The following NUP98 variants were observed in gnomAD, a reference collection of about 807,000 sequenced individuals.
The protein encoded by NUP98 is nuclear pore complex protein Nup98-Nup96.
NUP98 carries 26 observed loss-of-function variants against 191.9 expected under a neutral mutation model. The ratio of observed to expected loss-of-function variants is 0.14; its 90% confidence interval spans 0.10 to 0.19. The LOEUF is 0.19. Among genes scored for constraint, NUP98 ranks in the 10% least tolerant of loss-of-function variants. The pLI is 1.00. For missense variants in NUP98, 1,941 were observed against 2,178.8 expected (o/e 0.89, Z 2.17); for synonymous variants, 808 against 778.4 (o/e 1.04, Z -0.63).
chr11:3,709,869 T>C (rs1206628481), intron 20 of NUP98, among the ~76,000 whole-genome samples: 2 of 145,228 alleles, frequency 1.4e-5, no homozygotes, highest in Non-Finnish European at 3.0e-5. Context: ...ATATACCTAA[T>C]GCTAAATGAC....
At chr11:3,744,852 C>A (rs185312414) in intron 11 of NUP98, among the ~76,000 whole-genome samples, 1 of 152,188 alleles carries the variant, frequency 6.6e-6, no homozygotes, top group African/African-American at 2.4e-5. Context: ...ATACTTAAAT[C>A]TCTCTGTGCT....
At chr11:3,692,544 G>A (rs185091570) in intron 27 of NUP98, among the ~76,000 whole-genome samples, 2 of 151,572 alleles carry the variant, frequency 1.3e-5, no homozygotes, top group East Asian at 1.9e-4. Context: ...GCAGTGAGCC[G>A]AGATCGCGCT....
At chr11:3,760,737 C>A (rs905781349) in intron 9 of NUP98, 111 bp from the exon 10 acceptor site, 2 of 704,850 alleles carry the variant, frequency 2.8e-6, no homozygotes, top group Non-Finnish European at 2.3e-6. Context: ...AGAAAGATGT[C>A]CTAACATTCA....
chr11:3,759,081 A>G (rs2081075721), intron 10 of NUP98, among the ~76,000 whole-genome samples: 2 of 152,124 alleles, frequency 1.3e-5, no homozygotes, highest in African/African-American at 4.8e-5. Flanking sequence ...GGATCGTTCA[A>G]AAGCTCATTA....
intron 8 of NUP98, among the ~76,000 whole-genome samples, chr11:3,768,179 T>C (rs1471721740): frequency 2.0e-5 from 3 of 152,096 alleles, no homozygotes; most frequent in East Asian, 1.9e-4. Flanking sequence ...CCCAGCACTT[T>C]GGGAGGCCGA....
chr11:3,686,036 T>C lies in NUP98; in HGVS notation c.4613A>G (p.Gln1538Arg). The C allele has an allele frequency of 6.2e-7, 1 of 1,614,220 alleles. No homozygotes were observed. Among genetic ancestry groups the C allele is most frequent in the Non-Finnish European group, 8.5e-7 (1 of 1,180,042 alleles). Residue 1538 changes from glutamine (Q) to arginine (R), a missense_variant, in exon 29 of 33, where the codon CAG becomes CGG. Physicochemically the swap from Gln to Arg is conservative, Grantham distance 43. Coordinates refer to ENST00000324932, the MANE Select transcript of NUP98 (RefSeq NM_016320.5). ...CTCCCAGAGCCCCTCACTTTCAAGC[T>C]GGCCAGCGTAACTGGCCTGTAGCAC... ...EGVLQASYAGQLESEGLWEWA... is the reference protein window; with the variant it reads ...EGVLQASYAGRLESEGLWEWA...
At chr11:3,767,034 G>A (rs576618605) in intron 8 of NUP98, among the ~76,000 whole-genome samples, 7 of 152,120 alleles carry the variant, frequency 4.6e-5, no homozygotes, top group African/African-American at 9.6e-5. Context: ...GCAAAATCTC[G>A]GCTCACCGCA....
At chr11:3,692,321 T>A (rs2078339433) in intron 27 of NUP98, among the ~76,000 whole-genome samples, 2 of 134,658 alleles carry the variant, frequency 1.5e-5, no homozygotes, top group African/African-American at 5.2e-5. Flanking sequence ...TGATCTCGAT[T>A]GAAAAAAAAA....
intron 1 of NUP98, among the ~76,000 whole-genome samples, chr11:3,793,967 C>T (rs1016321051): frequency 3.4e-5 from 5 of 149,064 alleles, no homozygotes; most frequent in Non-Finnish European, 7.4e-5. Flanking sequence ...GAAACTCTGT[C>T]TCAAAAAATA....
At chr11:3,725,945 C>T (rs540300454) in intron 14 of NUP98, among the ~76,000 whole-genome samples, 1 of 152,248 alleles carries the variant, frequency 6.6e-6, no homozygotes, top group Admixed American at 6.5e-5. Context: ...CTCAGCTTCC[C>T]GAGTAGCTGG....
In NUP98 at chr11:3,763,049, A is replaced by T. The variant is rs2081225896; in HGVS notation, c.949-10T>A. On this transcript the variant is annotated splice_polypyrimidine_tract_variant and intron_variant, in intron 8 of 32. Coordinates refer to ENST00000324932, the MANE Select transcript of NUP98 (RefSeq NM_016320.5). ...TTACTCCAAATAATCCCTGCAAAGA[A>T]GTTTATATAGATTAAAAGATATCCT... 1 of 1,611,970 alleles carries T rather than the reference A, an allele frequency of 6.2e-7. No individual in the cohort carries two copies. The highest frequency in any genetic ancestry group is 1.1e-5 in the South Asian group (1 of 90,594).
chr11:3,707,753 A>AAAAAAAAAAAAG, intron 20 of NUP98, among the ~76,000 whole-genome samples: 1 of 149,504 alleles, frequency 6.7e-6, no homozygotes. Context: ...AAAAAAAAAA[A>AAAAAAAAAAAAG]ATCCTGAAGG....
At chr11:3,744,788 G>A in intron 11 of NUP98, 139 bp from the exon 12 acceptor site, 1 of 885,460 alleles carries the variant, frequency 1.1e-6, no homozygotes, top group Non-Finnish European at 1.7e-6. Flanking sequence ...AATACGGTAA[G>A]TGTTACTGCA....
intron 12 of NUP98, among the ~76,000 whole-genome samples, chr11:3,741,165 A>G (rs2080272557): frequency 6.6e-6 from 1 of 152,066 alleles, no homozygotes; most frequent in Admixed American, 6.6e-5. Context: ...ACCAAGCACT[A>G]AAGTACTATC....
At chr11:3,686,679 A>G (rs61879789) in intron 28 of NUP98, among the ~76,000 whole-genome samples, 14,303 of 152,240 alleles carry the variant, frequency 0.094, 872 homozygotes, top group Non-Finnish European at 0.14. Context: ...TAAAACCACC[A>G]TCACGATCAA....
intron 14 of NUP98, among the ~76,000 whole-genome samples, chr11:3,730,943 T>C (rs2079822276): frequency 6.6e-6 from 1 of 152,250 alleles, no homozygotes; most frequent in African/African-American, 2.4e-5. Flanking sequence ...TTTATTCTTC[T>C]TTGTGATGTT....
intron 17 of NUP98, among the ~76,000 whole-genome samples, chr11:3,719,971 G>C (rs1407128858): frequency 1.3e-5 from 2 of 151,952 alleles, no homozygotes; most frequent in African/African-American, 2.4e-5. Context: ...ATGTTGCCCA[G>C]GCTGGTCTAG....
At chr11:3,744,727 T>C (rs2080428076) in intron 11 of NUP98, 78 bp from the exon 12 acceptor site, 3 of 1,494,464 alleles carry the variant, frequency 2.0e-6, no homozygotes, top group Non-Finnish European at 2.7e-6. Context: ...TACTTAAAAA[T>C]ATAATACATT....
chr11:3,744,624 C>T lies in NUP98; in HGVS notation c.1293G>A (p.Leu431=). 6.2e-7 allele frequency: 1 copy of T among 1,612,990 alleles called. No individual in the cohort carries two copies. The change falls in exon 12 of 33, where the codon TTG becomes TTA. Residue 431 remains leucine, a synonymous_variant. Coordinates refer to ENST00000324932, the MANE Select transcript of NUP98 (RefSeq NM_016320.5). ...GTALGAGQAS[L]FGNNQPKIGG... is the part of the protein sequence containing the mutation. Reference sequence around the variant, plus strand: ...CAATCTTAGGTTGGTTGTTCCCAAACAAAGATGCCTGTCCAGCACCAAGAG... The same window carrying T: ...CAATCTTAGGTTGGTTGTTCCCAAATAAAGATGCCTGTCCAGCACCAAGAG...
Sources: allele counts gnomAD v4.1 joint callset (sites outside exome capture counted in the v4.1 genomes callset), GRCh38; gene constraint gnomAD v4.1.1; transcripts MANE v1.5; gene names NCBI Gene and HGNC (gene_info 2026-07-23, HGNC 2026-07-21).